CDH6: variants seen among roughly 807,000 people sequenced by gnomAD.
CDH6 encodes the protein cadherin-6.
A neutral mutation model predicts 78.0 loss-of-function variants in CDH6; 31 were observed. That is an observed-to-expected ratio of 0.40 (90% CI 0.30 to 0.54). The LOEUF (loss-of-function observed/expected upper bound fraction) is 0.54. CDH6 is among the 20% of genes least tolerant of loss of function. CDH6 has a pLI of 0.56. For synonymous variants in CDH6, 376 were observed against 368.8 expected (o/e 1.02, Z -0.23); for missense variants, 724 against 975.9 (o/e 0.74, Z 3.44).
chr5:31,225,938 T>C (rs1026434444), intron 1 of CDH6, among the ~76,000 whole-genome samples: 4 of 152,148 alleles, frequency 2.6e-5, no homozygotes, highest in African/African-American at 9.7e-5. Context: ...TGAACCAGAA[T>C]GCACATTCCA....
chr5:31,239,845 C>A (rs994408657), intron 1 of CDH6, among the ~76,000 whole-genome samples: 3 of 152,166 alleles, frequency 2.0e-5, no homozygotes, highest in African/African-American at 4.8e-5. Flanking sequence ...CCAGTTTCAC[C>A]GGCCTTCACT....
intron 2 of CDH6, among the ~76,000 whole-genome samples, chr5:31,283,793 A>G (rs1430969770): frequency 6.6e-6 from 1 of 151,704 alleles, no homozygotes; most frequent in Non-Finnish European, 1.5e-5. Flanking sequence ...TTTGTCAGAA[A>G]AATAGATTTT....
At chr5:31,316,396 A>G (rs1738324909) in intron 9 of CDH6, 67 bp downstream of exon 9, 2 of 1,382,000 alleles carry the variant, frequency 1.4e-6, no homozygotes, top group South Asian at 1.3e-5. Context: ...TATCATTCAG[A>G]TGATTCACAG....
Position 31,317,852 on chromosome 5 carries a change from G to A in CDH6, c.1810G>A (p.Ala604Thr). Residue 604 changes from alanine (A) to threonine (T), a missense_variant, in exon 11 of 12, where the codon GCG becomes ACG. By Grantham distance (58) the Ala-to-Thr change is moderately conservative. This residue lies in a region of CDH6 where 220 missense variants were observed against 240.6 expected (regional missense o/e 0.91). Transcript: ENST00000265071. Reference protein sequence around the residue: ...HGNMQSCHAEALIHPTGLSTG... With the variant: ...HGNMQSCHAETLIHPTGLSTG... ...GAACATGCAATCCTGCCATGCGGAG[G>A]CGCTCATCCACCCCACGGGACTGAG... 1 of 1,614,090 alleles carries A rather than the reference G, an allele frequency of 6.2e-7. No homozygotes were observed. Among genetic ancestry groups the A allele is most frequent in the Non-Finnish European group, 8.5e-7 (1 of 1,179,996 alleles).
Position 31,299,487 on chromosome 5 carries a change from A to G in CDH6, c.667A>G (p.Asn223Asp), listed in dbSNP as rs748981543. ...AGGTATTATCAAGACAGCTTTGCTC[A>G]ACATGGATCGAGAAAACAGGGAGCA... ...ETGIIKTALL[N>D]MDRENREQYQ... is the part of the protein sequence containing the mutation. The change falls in exon 5 of 12, where the codon AAC (asparagine) becomes GAC (aspartate). Residue 223 changes from asparagine to aspartate, a missense_variant. By Grantham distance (23) the Asn-to-Asp change is conservative. Around this residue, in one of 3 missense-constraint regions of CDH6, gnomAD observed 446 missense variants for 684.5 expected, o/e 0.65. Coordinates refer to ENST00000265071, the MANE Select transcript of CDH6 (RefSeq NM_004932.4). 10 of 1,613,756 alleles carry G rather than the reference A, an allele frequency of 6.2e-6. No individual in the cohort carries two copies. In the Admixed American group the frequency reaches 1.7e-4, roughly 27 times the overall value.
chr5:31,236,370 T>C (rs1441835595), intron 1 of CDH6, among the ~76,000 whole-genome samples: 1 of 152,178 alleles, frequency 6.6e-6, no homozygotes, highest in African/African-American at 2.4e-5. Context: ...TCAGTTACAG[T>C]TATATGACTC....
chr5:31,199,129 A>G (rs1427184786), intron 1 of CDH6, among the ~76,000 whole-genome samples: 1 of 151,920 alleles, frequency 6.6e-6, no homozygotes, highest in Non-Finnish European at 1.5e-5. Context: ...CTTGTCACCC[A>G]TTTGGATCCT....
intron 2 of CDH6, among the ~76,000 whole-genome samples, chr5:31,283,617 G>C (rs1742922894): frequency 6.6e-6 from 1 of 152,072 alleles, no homozygotes. Context: ...ATTGCCAGAT[G>C]ATGAATCACA....
Position 31,299,593 on chromosome 5 carries a change from T to C in CDH6, c.773T>C (p.Leu258Pro). The C allele has an allele frequency of 6.2e-7, 1 of 1,613,824 alleles. No homozygotes were observed. Among genetic ancestry groups the C allele is most frequent in the Non-Finnish European group, 8.5e-7 (1 of 1,179,752 alleles). The change falls in exon 5 of 12, where the codon CTG becomes CCG. Residue 258 changes from leucine to proline, a missense_variant. Coordinates refer to ENST00000265071, the MANE Select transcript of CDH6 (RefSeq NM_004932.4). ...LSGTTTVNIT[L>P]TDVNDNPPRF... ...GGGACCACCACCGTGAACATCACACTGACTGATGTCAACGACAACCCTCCC... is the reference window on the plus strand; with the variant it reads ...GGGACCACCACCGTGAACATCACACCGACTGATGTCAACGACAACCCTCCC...
At chr5:31,287,014 A>T (rs1294690210) in intron 2 of CDH6, among the ~76,000 whole-genome samples, 2 of 152,086 alleles carry the variant, frequency 1.3e-5, no homozygotes, top group Admixed American at 1.3e-4. Flanking sequence ...AGAGAAGGTG[A>T]TGAGGTCAAT....
intron 1 of CDH6, among the ~76,000 whole-genome samples, chr5:31,229,732 A>T (rs60580057): frequency 0.092 from 13,944 of 152,262 alleles, 1,645 homozygotes; most frequent in African/African-American, 0.27. Context: ...TAGCTGAATA[A>T]ACATTTCTCA....
chr5:31,249,752 G>C (rs1741858816), intron 1 of CDH6: 1 of 152,216 alleles, frequency 6.6e-6, no homozygotes, highest in Admixed American at 6.5e-5. Flanking sequence ...TTAAGAAATG[G>C]GCAGGCCCTG....
intron 1 of CDH6, among the ~76,000 whole-genome samples, chr5:31,204,938 AT>A (rs1740472884): frequency 6.6e-6 from 1 of 152,216 alleles, no homozygotes; most frequent in Non-Finnish European, 1.5e-5. Context: ...GTTCCTAAGA[AT>A]GATATTCAGC....
chr5:31,313,552 C>CCACTTGATA (rs1738215202), intron 8 of CDH6, 98 bp downstream of exon 8: 3 of 1,142,662 alleles, frequency 2.6e-6, no homozygotes, highest in Non-Finnish European at 3.8e-6. Context: ...ATTGACAATC[C>CCACTTGATA]CACTTGATAT....
intron 9 of CDH6, among the ~76,000 whole-genome samples, chr5:31,316,838 T>C (rs1211315860): frequency 6.6e-6 from 1 of 152,212 alleles, no homozygotes; most frequent in African/African-American, 2.4e-5. Flanking sequence ...TTAAAGTACA[T>C]GTGCAAGTAG....
At chr5:31,240,674 T>C (rs1208840977) in intron 1 of CDH6, among the ~76,000 whole-genome samples, 1 of 152,210 alleles carries the variant, frequency 6.6e-6, no homozygotes. Context: ...TATGAATTCA[T>C]TTTTTCCACA....
chr5:31,245,367 ATTC>A (rs1320925017), intron 1 of CDH6, among the ~76,000 whole-genome samples: 4 of 152,048 alleles, frequency 2.6e-5, no homozygotes, highest in Admixed American at 1.3e-4. Context: ...GTTTGTCCTT[ATTC>A]TTCTTCTCTT....
At chr5:31,304,645 A>C (rs1175960573) in intron 6 of CDH6, among the ~76,000 whole-genome samples, 1 of 149,856 alleles carries the variant, frequency 6.7e-6, no homozygotes, top group Non-Finnish European at 1.5e-5. Context: ...AGATCATGCC[A>C]ATGCACTCCA....
chr5:31,282,994 AGGATGGATGGAT>A (rs546068730), intron 2 of CDH6, among the ~76,000 whole-genome samples: 1 of 152,066 alleles, frequency 6.6e-6, no homozygotes, highest in Admixed American at 6.6e-5. Flanking sequence ...GAAAGATGGA[AGGATGGATGGAT>A]GGATGGATGG....
Sources: allele counts gnomAD v4.1 joint callset (sites outside exome capture counted in the v4.1 genomes callset), GRCh38; gene constraint gnomAD v4.1.1; regional missense constraint gnomAD v4.1.1; transcripts MANE v1.5; gene names NCBI Gene and HGNC (gene_info 2026-07-23, HGNC 2026-07-21).